Variants in PIWIL2 observed in about 807,000 individuals in gnomAD.
PIWIL2 encodes the protein piwi like RNA-mediated gene silencing 2, also known as piwi-like protein 2.
In PIWIL2, 81 loss-of-function variants were observed where a neutral mutation model predicts 116.5. The observed-to-expected ratio is 0.70, with a 90% confidence interval of 0.58 to 0.84. The LOEUF is 0.84. Among genes scored for constraint, PIWIL2 ranks in the 40% least tolerant of loss-of-function variants. The pLI is 0.00. For synonymous variants in PIWIL2, 489 were observed against 429.5 expected (o/e 1.14, Z -1.71); for missense variants, 1,272 against 1,212.3 (o/e 1.05, Z -0.73).
At chr8:22,348,635 A>T (rs891314281) in intron 20 of PIWIL2, among the ~76,000 whole-genome samples, 19 of 152,166 alleles carry the variant, frequency 1.2e-4, no homozygotes, top group African/African-American at 4.6e-4. Flanking sequence ...GCCGGGCTTG[A>T]TGGCACATCC....
intron 16 of PIWIL2, among the ~76,000 whole-genome samples, chr8:22,313,939 A>G (rs73670405): frequency 0.05 from 7,611 of 152,284 alleles, 650 homozygotes; most frequent in African/African-American, 0.17. Context: ...GTATGAGTGT[A>G]ATAAGTTGTT....
At chr8:22,347,243 C>T (rs1438629646) in intron 20 of PIWIL2, among the ~76,000 whole-genome samples, 44 of 146,210 alleles carry the variant, frequency 3.0e-4, no homozygotes, top group African/African-American at 1.1e-3. Context: ...GACAGAGTCT[C>T]ACTCTGTCAC....
intron 13 of PIWIL2, among the ~76,000 whole-genome samples, chr8:22,307,441 A>G (rs934447368): frequency 1.3e-4 from 20 of 150,454 alleles, no homozygotes; most frequent in Non-Finnish European, 2.7e-4. Context: ...TGAAAGAGAG[A>G]GTCGATGACA....
At chr8:22,348,696 G>A (rs1396090774) in intron 20 of PIWIL2, among the ~76,000 whole-genome samples, 2 of 152,210 alleles carry the variant, frequency 1.3e-5, no homozygotes, top group Admixed American at 6.5e-5. Context: ...GGCTGAGGCA[G>A]GAGGATCGCT....
At chr8:22,290,634 T>TG (rs57776144) in intron 10 of PIWIL2, among the ~76,000 whole-genome samples, 2 of 144,326 alleles carry the variant, frequency 1.4e-5, no homozygotes, top group African/African-American at 2.6e-5. Context: ...TTTTTTTTTT[T>TG]GTAGAGATAG....
chr8:22,318,869 T>C (rs1478907640), intron 20 of PIWIL2, among the ~76,000 whole-genome samples: 3 of 152,242 alleles, frequency 2.0e-5, no homozygotes, highest in Non-Finnish European at 4.4e-5. Context: ...CATGCCCTTA[T>C]CGGGGAAGTT....
rs906563338 is a variant in PIWIL2 at position 22,314,859 on chromosome 8, C to A, written c.2092-170C>A. Among the ~76,000 whole-genome samples the A allele has an allele frequency of 9.2e-5, 14 of 151,442 alleles. 1 individual carries two copies. On this transcript the variant is annotated intron_variant, in intron 17 of 22. Coordinates refer to ENST00000356766, the MANE Select transcript of PIWIL2 (RefSeq NM_018068.5). ...TGTGTGTGTGTGTGTTGTATTTTGC[C>A]CATGTGCATGCATGCCTAGAAACCC...
chr8:22,322,006 C>T, intron 20 of PIWIL2: 1 of 983,986 alleles, frequency 1.0e-6, no homozygotes, highest in Non-Finnish European at 1.2e-6. Flanking sequence ...TAAAATGCTT[C>T]CAAATACTGT....
rs187379919 is a variant in PIWIL2, at chr8:22,320,163, G to A, written c.2403+1888G>A. On this transcript the variant is annotated intron_variant, in intron 20 of 22. Coordinates refer to ENST00000356766, the MANE Select transcript of PIWIL2 (RefSeq NM_018068.5). ...TTTTTAGTAGAGACAGGGTTTCGGCGTCTTGGCCAGGCTGGTCTTGAACTC... is the reference window on the plus strand; with the variant it reads ...TTTTTAGTAGAGACAGGGTTTCGGCATCTTGGCCAGGCTGGTCTTGAACTC... 2.2e-3 allele frequency among the ~76,000 whole-genome samples: 331 copies of A among 151,464 alleles called. 3 individuals are homozygous for A. Among genetic ancestry groups the A allele is most frequent in the African/African-American group, 7.7e-3 (318 of 41,260 alleles).
At chr8:22,315,927 C>G (rs1454494319) in intron 18 of PIWIL2, among the ~76,000 whole-genome samples, 3 of 152,176 alleles carry the variant, frequency 2.0e-5, no homozygotes, top group Admixed American at 6.5e-5. Context: ...ATCTGAAACT[C>G]TTTGAGTGTC....
chr8:22,326,737 A>C (rs796073082), intron 20 of PIWIL2, among the ~76,000 whole-genome samples: 32 of 152,202 alleles, frequency 2.1e-4, no homozygotes, highest in African/African-American at 6.7e-4. Context: ...TGATCCTTTC[A>C]CTTGTTGATA....
At chr8:22,276,661 G>A (rs1185545232) in intron 1 of PIWIL2, among the ~76,000 whole-genome samples, 2 of 152,182 alleles carry the variant, frequency 1.3e-5, no homozygotes, top group Non-Finnish European at 2.9e-5. Flanking sequence ...AGCATTTGGG[G>A]AGTCTGAGGT....
chr8:22,299,672 A>G (rs1428102838), intron 10 of PIWIL2, among the ~76,000 whole-genome samples: 3 of 152,160 alleles, frequency 2.0e-5, no homozygotes, highest in Non-Finnish European at 4.4e-5. Flanking sequence ...CATTTAAAGT[A>G]TACAGTTTGA....
chr8:22,293,146 TAGAA>T (rs888561574), intron 10 of PIWIL2, among the ~76,000 whole-genome samples: 1 of 152,206 alleles, frequency 6.6e-6, no homozygotes, highest in African/African-American at 2.4e-5. Context: ...CTTTTCTGCT[TAGAA>T]AGGTCTGCTT....
At chr8:22,300,215 C>T (rs1055021739) in intron 10 of PIWIL2, among the ~76,000 whole-genome samples, 23 of 152,160 alleles carry the variant, frequency 1.5e-4, no homozygotes, top group African/African-American at 5.5e-4. Flanking sequence ...GGATTATAGG[C>T]ATAAGGGGGG....
intron 19 of PIWIL2, among the ~76,000 whole-genome samples, chr8:22,316,901 A>T (rs772793982): frequency 6.7e-6 from 1 of 148,906 alleles, no homozygotes; most frequent in Non-Finnish European, 1.5e-5. Flanking sequence ...TGATCCTCCC[A>T]CCTCAGCCTC....
At chr8:22,328,026 A>G (rs970648801) in intron 20 of PIWIL2, among the ~76,000 whole-genome samples, 1 of 151,112 alleles carries the variant, frequency 6.6e-6, no homozygotes, top group Non-Finnish European at 1.5e-5. Context: ...TCATTGCCAA[A>G]TCCAAGGTCA....
At chr8:22,331,735 T>C (rs1189322780) in intron 20 of PIWIL2, among the ~76,000 whole-genome samples, 1 of 152,100 alleles carries the variant, frequency 6.6e-6, no homozygotes, top group Admixed American at 6.6e-5. Context: ...GCTCAAAGAA[T>C]TGGCAGAGTC....
chr8:22,279,287 C>G (rs1370481091), intron 1 of PIWIL2, 54 bp from the exon 2 acceptor site: 2 of 960,360 alleles, frequency 2.1e-6, no homozygotes, highest in Non-Finnish European at 3.4e-6. Context: ...GTGAGTGTGT[C>G]TTGAAGGAAA....
Sources: gnomAD v4.1 joint callset for allele counts (sites outside exome capture counted in the v4.1 genomes callset) on GRCh38, gnomAD v4.1.1 for gene constraint, MANE v1.5 for transcripts, NCBI Gene and HGNC (gene_info 2026-07-23, HGNC 2026-07-21) for gene names.